CAPN14: variants seen among roughly 807,000 people sequenced by gnomAD.
The protein encoded by CAPN14 is calpain 14, also known as calpain-14.
Under a neutral mutation model 101.3 loss-of-function variants are expected in CAPN14, and 94 were observed. The observed-to-expected ratio is 0.93, with a 90% CI of 0.79 to 1.10. The LOEUF is 1.10. Ranked by LOEUF, CAPN14 falls within the 50% of genes least tolerant of loss-of-function variation. The pLI, the probability that CAPN14 is intolerant of heterozygous loss-of-function variation, is 0.00. For missense variants in CAPN14, 837 were observed against 828.4 expected (o/e 1.01, Z -0.13); for synonymous variants, 338 against 317.9 (o/e 1.06, Z -0.67).
rs192834299 is a variant in CAPN14, at chr2:31,205,808, T to C, written c.-52-309A>G. ...TGTCACGGGGGTCCCTTCTGCTTAG[T>C]GGGGAGGCAGGAGAAGAGAAGCAGG... On this transcript the variant is annotated intron_variant, in intron 1 of 21. Transcript: ENST00000403897. 3.7e-3 allele frequency among the ~76,000 whole-genome samples: 556 copies of C among 152,046 alleles called. 8 individuals are homozygous for C. Among genetic ancestry groups the C allele is most frequent in the South Asian group, 0.036 (173 of 4,792 alleles).
In CAPN14 at chr2:31,200,452, CCT is replaced by C. The variant is rs918864007; in HGVS notation, c.723_724del (p.Lys244AspfsTer25). Reference sequence around the variant, plus strand: ...CTGCCAGTGGCAGCCCAGTCTCACCCCTGAGTGGGTCTGGCAGCCAATGAGGG... The same window carrying C: ...CTGCCAGTGGCAGCCCAGTCTCACCCGAGTGGGTCTGGCAGCCAATGAGGG... On this transcript the variant is annotated frameshift_variant and splice_region_variant, in exon 6 of 22. Coordinates refer to ENST00000403897, the MANE Select transcript of CAPN14 (RefSeq NM_001145122.2). LOFTEE classifies it high-confidence loss of function. 13 of 1,548,482 alleles carry C rather than the reference CCT, an allele frequency of 8.4e-6. No homozygotes were observed. Among genetic ancestry groups the C allele is most frequent in the Admixed American group, 7.9e-5 (4 of 50,890 alleles).
At chr2:31,177,397 T>C (rs13409609) in intron 19 of CAPN14, among the ~76,000 whole-genome samples, 1 of 151,850 alleles carries the variant, frequency 6.6e-6, no homozygotes, top group Non-Finnish European at 1.5e-5. Flanking sequence ...CAGCCTTCAA[T>C]GAAGGAGGCA....
chr2:31,216,427 C>A (rs920704519), intron 1 of CAPN14, among the ~76,000 whole-genome samples: 1 of 152,092 alleles, frequency 6.6e-6, no homozygotes, highest in Non-Finnish European at 1.5e-5. Flanking sequence ...TCCCCATGGG[C>A]CAGGCATTGC....
intron 1 of CAPN14, 70 bp from the exon 2 acceptor site, chr2:31,205,569 G>A: frequency 1.3e-6 from 1 of 795,772 alleles, no homozygotes; most frequent in Non-Finnish European, 2.1e-6. Flanking sequence ...CAGAGACGAG[G>A]GGAAGGATGG....
At chr2:31,182,987 G>T (rs1572393652) in intron 16 of CAPN14, among the ~76,000 whole-genome samples, 2 of 152,072 alleles carry the variant, frequency 1.3e-5, no homozygotes, top group East Asian at 3.9e-4. Flanking sequence ...CCAAAACAGA[G>T]ATATAGATCA....
At chr2:31,200,999 A>C (rs1403280501) in intron 5 of CAPN14, among the ~76,000 whole-genome samples, 5 of 152,160 alleles carry the variant, frequency 3.3e-5, no homozygotes, top group African/African-American at 1.2e-4. Context: ...ACCTGTTGGG[A>C]CAACACCCTG....
rs1424028065 is a variant in CAPN14 at position 31,230,749 on chromosome 2, C to A, written c.-177+3042G>T. Among the ~76,000 whole-genome samples the A allele has an allele frequency of 6.6e-6, 1 of 152,152 alleles. No individual in the cohort carries two copies. The highest frequency in any genetic ancestry group is 1.5e-5 in the Non-Finnish European group (1 of 68,014). ...TAGTTCTATATTCTGGATGTGCTTT[C>A]ATGGGTTTTTGTGTATAGGAAATAT... On this transcript the variant is annotated intron_variant and NMD_transcript_variant, in intron 1 of 21. Transcript: ENST00000398824. The surrounding 1 kb of genome is among the most constrained non-coding windows in gnomAD (Gnocchi z 4.3).
intron 7 of CAPN14, among the ~76,000 whole-genome samples, chr2:31,199,214 G>A (rs1003831262): frequency 6.6e-6 from 1 of 152,220 alleles, no homozygotes; most frequent in Non-Finnish European, 1.5e-5. Flanking sequence ...TCAAGGAAGG[G>A]TTGTGAGGTA....
intron 14 of CAPN14, 40 bp from the exon 15 acceptor site, chr2:31,187,854 T>C (rs1262824450): frequency 6.7e-7 from 1 of 1,501,896 alleles, no homozygotes. Flanking sequence ...ATTATTCACC[T>C]GTATAAACGG....
chr2:31,184,025 G>A (rs1473792379), intron 16 of CAPN14, among the ~76,000 whole-genome samples: 5 of 152,090 alleles, frequency 3.3e-5, no homozygotes, highest in Non-Finnish European at 7.4e-5. Flanking sequence ...GGGATTACAG[G>A]AGCGCGCCAC....
rs73921567 is a variant in CAPN14, at chr2:31,184,711, G to C, written c.1645+1717C>G. On this transcript the variant is annotated intron_variant, in intron 16 of 21. Transcript: ENST00000403897. ...CATATGTGAGGTACTAAAGACCCAAGTACAATCAACCACAGAAGCTAACCC... is the reference window on the plus strand; with the variant it reads ...CATATGTGAGGTACTAAAGACCCAACTACAATCAACCACAGAAGCTAACCC... 3.6e-3 allele frequency among the ~76,000 whole-genome samples: 546 copies of C among 152,300 alleles called. 2 individuals are homozygous for C. The highest frequency in any genetic ancestry group is 0.013 in the African/African-American group (521 of 41,554).
chr2:31,200,375 G>A (rs1257538907), intron 6 of CAPN14, 76 bp downstream of exon 6: 21 of 1,328,550 alleles, frequency 1.6e-5, no homozygotes, highest in Non-Finnish European at 2.1e-5. Flanking sequence ...CCACACCCAG[G>A]TGAGGGTAGT....
chr2:31,202,193 G>C lies in CAPN14; in HGVS notation c.355C>G (p.Arg119Gly). Residue 119 changes from arginine to glycine, a missense_variant, in exon 4 of 22, where the codon CGG becomes GGG. By Grantham distance (125) the Arg-to-Gly change is moderately radical. Transcript: ENST00000403897. ...AAACTCTGATTCAGGGGAACAACCC[G>C]GCTCAGGATGTCCTGGTGCAAGGCC... is the stretch of plus-strand genomic sequence containing the variant. Reference protein sequence around the residue: ...ALALHQDILSRVVPLNQSFTE... With the variant: ...ALALHQDILSGVVPLNQSFTE... The C allele has an allele frequency of 6.4e-7, 1 of 1,551,744 alleles. No homozygotes were observed. The highest frequency in any genetic ancestry group is 2.4e-5 in the East Asian group (1 of 40,918).
intron 3 of CAPN14, 122 bp from the exon 4 acceptor site, chr2:31,202,374 T>C (rs1034145011): frequency 1.1e-5 from 8 of 704,718 alleles, no homozygotes; most frequent in Non-Finnish European, 1.7e-5. Context: ...AAGGGAATTA[T>C]ATACTGGGAA....
chr2:31,181,097 G>C, intron 16 of CAPN14, 97 bp from the exon 17 acceptor site: 1 of 910,572 alleles, frequency 1.1e-6, no homozygotes, highest in Non-Finnish European at 1.7e-6. Context: ...GCCAGCTGAT[G>C]ACCACCATGT....
intron 6 of CAPN14, among the ~76,000 whole-genome samples, chr2:31,199,888 G>A (rs1315435133): frequency 2.0e-5 from 3 of 152,188 alleles, no homozygotes; most frequent in Admixed American, 2.0e-4. Context: ...ATAGGAAGTG[G>A]AAAGTGCCTT....
intron 17 of CAPN14, among the ~76,000 whole-genome samples, chr2:31,179,414 G>A (rs1042361388): frequency 6.6e-6 from 1 of 152,064 alleles, no homozygotes; most frequent in African/African-American, 2.4e-5. Flanking sequence ...CTTTTTATAT[G>A]GCTGCATAGT....
chr2:31,233,022 C>T (rs1178411474), intron 1 of CAPN14, among the ~76,000 whole-genome samples: 1 of 152,186 alleles, frequency 6.6e-6, no homozygotes, highest in Non-Finnish European at 1.5e-5. Context: ...ATTCTCTACA[C>T]ACGATGCACT....
At chr2:31,207,705 G>A (rs1427701798) in intron 1 of CAPN14, among the ~76,000 whole-genome samples, 2 of 152,180 alleles carry the variant, frequency 1.3e-5, no homozygotes, top group Admixed American at 6.5e-5. Context: ...GGTAGAGTTT[G>A]CAGTGAACAG....
Sources: gnomAD v4.1 joint callset for allele counts (sites outside exome capture counted in the v4.1 genomes callset) on GRCh38, gnomAD v4.1.1 for gene constraint, Gnocchi (gnomAD v3.1) non-coding constraint, MANE v1.5 for transcripts, NCBI Gene and HGNC (gene_info 2026-07-23, HGNC 2026-07-21) for gene names.